The following TXLNB variants were observed in gnomAD, a reference collection of about 807,000 sequenced individuals.
TXLNB encodes the protein beta-taxilin.
Under a neutral mutation model 57.4 loss-of-function variants are expected in TXLNB, and 37 were observed. That is an observed-to-expected ratio of 0.64 (90% CI 0.50 to 0.85). The LOEUF (loss-of-function observed/expected upper bound fraction) is 0.85. TXLNB is among the 40% of genes least tolerant of loss of function. The pLI, the probability that TXLNB is intolerant of heterozygous loss-of-function variation, is 0.00. For synonymous variants in TXLNB, 302 were observed against 309.6 expected (o/e 0.98, Z 0.26); for missense variants, 848 against 825.6 (o/e 1.03, Z -0.33).
chr6:139,243,301 G>A lies in TXLNB; in HGVS notation c.1280C>T (p.Ala427Val). 1.2e-6 allele frequency: 2 copies of A among 1,608,424 alleles called. No individual in the cohort carries two copies. Among genetic ancestry groups the A allele is most frequent in the Admixed American group, 1.7e-5 (1 of 59,794 alleles). The change falls in exon 10 of 10, where the codon GCT (alanine) becomes GTT (valine). Residue 427 changes from alanine to valine, a missense_variant. Ala to Val is a moderately conservative substitution (Grantham distance 64). Transcript: ENST00000358430. ...LDMIEEKALR[A>V]KEYECFVMKI... The stretch of plus-strand genomic sequence containing the variant: ...CATCACAAAGCACTCATATTCTTTA[G>A]CTCTCAGTGCTTTCTGTGATGTGAA...
chr6:139,228,704 C>A, the TXLNB span, among the ~76,000 whole-genome samples: 2 of 152,208 alleles, frequency 1.3e-5, no homozygotes, highest in African/African-American at 4.8e-5. Flanking sequence ...CAGAAAAAAA[C>A]CCAATAGCTA....
At chr6:139,160,881 T>C in the TXLNB span, among the ~76,000 whole-genome samples, 107,862 of 151,930 alleles carry the variant, frequency 0.71, 39,538 homozygotes, top group African/African-American at 0.86. Context: ...TAAAGTGTTT[T>C]CATGTACATG....
chr6:139,261,895 C>A (rs1776490583), intron 5 of TXLNB, among the ~76,000 whole-genome samples: 2 of 146,064 alleles, frequency 1.4e-5, no homozygotes, highest in African/African-American at 2.6e-5. Context: ...ACATAGAATA[C>A]AGACTCTTTT....
chr6:139,188,452 T>G, the TXLNB span, among the ~76,000 whole-genome samples: 1 of 152,250 alleles, frequency 6.6e-6, no homozygotes, highest in Admixed American at 6.5e-5. Flanking sequence ...ATGATCCATT[T>G]GTTTCTCTTA....
At chr6:139,286,543 CTCACG>C (rs1777179830) in intron 2 of TXLNB, among the ~76,000 whole-genome samples, 1 of 152,168 alleles carries the variant, frequency 6.6e-6, no homozygotes, top group African/African-American at 2.4e-5. Flanking sequence ...GGCGCAGTGG[CTCACG>C]TCTGCAATCC....
intron 3 of TXLNB, among the ~76,000 whole-genome samples, chr6:139,273,427 C>T (rs1228733093): frequency 6.6e-6 from 1 of 152,174 alleles, no homozygotes; most frequent in Non-Finnish European, 1.5e-5. Flanking sequence ...ATGATTTGTG[C>T]TTGCTCATTT....
intron 7 of TXLNB, 135 bp downstream of exon 7, chr6:139,255,429 T>A: frequency 1.4e-6 from 1 of 721,228 alleles, no homozygotes; most frequent in Non-Finnish European, 2.6e-6. Context: ...AAATGTGAAG[T>A]TGTTCTTCAT....
chr6:139,177,233 TG>T, the TXLNB span: 6 of 603,744 alleles, frequency 9.9e-6, no homozygotes, highest in Admixed American at 1.4e-4. This position sits in a 1 kb window ranked among gnomAD's most constrained non-coding sequence, Gnocchi z 4.9. Flanking sequence ...GTTGTATGTG[TG>T]CCACTAAAAT....
downstream of TXLNB, among the ~76,000 whole-genome samples, chr6:139,237,222 C>T (rs568071221): frequency 1.4e-4 from 21 of 152,018 alleles, no homozygotes; most frequent in Non-Finnish European, 2.1e-4. Flanking sequence ...AGTATATTGG[C>T]CGGGTGCAGT....
chr6:139,191,273 C>T, the TXLNB span, among the ~76,000 whole-genome samples: 1 of 152,126 alleles, frequency 6.6e-6, no homozygotes, highest in Non-Finnish European at 1.5e-5. Flanking sequence ...ACAAACTTAG[C>T]CGGGCTTGGT....
the TXLNB span, among the ~76,000 whole-genome samples, chr6:139,162,382 C>G: frequency 6.6e-6 from 1 of 152,084 alleles, no homozygotes; most frequent in Non-Finnish European, 1.5e-5. Flanking sequence ...TCTTCTGAAC[C>G]ATTTAAGGTA....
the TXLNB span, among the ~76,000 whole-genome samples, chr6:139,217,041 A>G: frequency 6.6e-6 from 1 of 152,144 alleles, no homozygotes; most frequent in Non-Finnish European, 1.5e-5. Flanking sequence ...AAACAAAGGG[A>G]CCTAGATAAG....
intron 7 of TXLNB, 199 bp downstream of exon 7, chr6:139,255,365 T>C (rs1776309159): frequency 1.6e-6 from 1 of 638,960 alleles, no homozygotes; most frequent in Non-Finnish European, 3.0e-6. Flanking sequence ...GCGCAGAACA[T>C]TTCTTTTTCA....
chr6:139,223,830 A>T, the TXLNB span, among the ~76,000 whole-genome samples: 286 of 152,062 alleles, frequency 1.9e-3, 1 homozygote, highest in Middle Eastern at 3.4e-3. Flanking sequence ...AAATAGGAAC[A>T]CTTTTACACT....
At chr6:139,268,829 T>C in intron 4 of TXLNB, 1 of 152,220 alleles carries the variant, frequency 6.6e-6, no homozygotes, top group Admixed American at 6.5e-5. Context: ...CCTGCTACTT[T>C]GATCATTCTG....
chr6:139,237,862 A>G (rs2114390925), downstream of TXLNB, among the ~76,000 whole-genome samples: 1 of 152,292 alleles, frequency 6.6e-6, no homozygotes, highest in South Asian at 2.1e-4. Flanking sequence ...CAGCAGGAAG[A>G]AGGACTTGCA....
At chr6:139,160,311 C>T in the TXLNB span, among the ~76,000 whole-genome samples, 1 of 152,174 alleles carries the variant, frequency 6.6e-6, no homozygotes, top group African/African-American at 2.4e-5. Context: ...GTTAGATTAT[C>T]ACAGTTTAGA....
At chr6:139,193,768 C>A in the TXLNB span, among the ~76,000 whole-genome samples, 1 of 150,562 alleles carries the variant, frequency 6.6e-6, no homozygotes, top group African/African-American at 2.4e-5. Context: ...ATTCTCCTGC[C>A]TCAGCCTCCT....
intron 4 of TXLNB, among the ~76,000 whole-genome samples, chr6:139,265,442 GTGTC>G: frequency 6.6e-6 from 1 of 152,144 alleles, no homozygotes; most frequent in African/African-American, 2.4e-5. Flanking sequence ...GTGTGTGTGT[GTGTC>G]TGTGTGTGTG....
Sources: gnomAD v4.1 joint callset for allele counts (sites outside exome capture counted in the v4.1 genomes callset) on GRCh38, gnomAD v4.1.1 for gene constraint, Gnocchi (gnomAD v3.1) non-coding constraint, MANE v1.5 for transcripts, NCBI Gene and HGNC (gene_info 2026-07-23, HGNC 2026-07-21) for gene names.